Variants in THSD7B observed in about 807,000 individuals in gnomAD.
THSD7B encodes the protein thrombospondin type 1 domain containing 7B.
THSD7B carries 138 observed loss-of-function variants against 213.6 expected under a neutral mutation model. That is an observed-to-expected ratio of 0.65 (90% CI 0.56 to 0.74). The LOEUF is 0.74. THSD7B is among the 30% of genes least tolerant of loss of function. The probability of loss-of-function intolerance (pLI) is 0.00; values close to 1 mark genes in which losing one functional copy is unlikely to be tolerated. For synonymous variants in THSD7B, 742 were observed against 687.0 expected, an observed-to-expected ratio of 1.08 and a Z score of -1.25; for missense variants, 1,931 against 1,991.5, an observed-to-expected ratio of 0.97 and a Z score of 0.58.
At chr2:137,351,135 A>G (rs1685004571) in intron 12 of THSD7B, among the ~76,000 whole-genome samples, 1 of 151,908 alleles carries the variant, frequency 6.6e-6, no homozygotes, top group South Asian at 2.1e-4. Context: ...AGAGAGGGAC[A>G]ATGTCTAGTG....
intron 15 of THSD7B, among the ~76,000 whole-genome samples, chr2:137,546,424 T>TTATATATATTATATATATATTA (rs1680724432): frequency 7.2e-5 from 2 of 27,934 alleles, no homozygotes; most frequent in Non-Finnish European, 1.1e-4. Flanking sequence ...ATTATATATA[T>TTATATATATTATATATATATTA]TATATATATA....
Position 137,300,539 on chromosome 2 carries a change from A to G in THSD7B, c.2500+24513A>G, listed in dbSNP as rs572141655. On this transcript the variant is annotated intron_variant, in intron 12 of 27. Coordinates refer to ENST00000409968, the MANE Select transcript of THSD7B (RefSeq NM_001316349.2). ...AACTGTTGTGCATTAATACATATCC[A>G]CATGGCAAATTACATTTTCAAAATT... is the stretch of plus-strand genomic sequence containing the variant. 1.1e-4 allele frequency among the ~76,000 whole-genome samples: 16 copies of G among 152,272 alleles called. No homozygotes were observed. The East Asian group carries it at 2.9e-3, about 28-fold the overall frequency.
chr2:137,599,055 C>A (rs1006138333), intron 17 of THSD7B, among the ~76,000 whole-genome samples: 2 of 135,210 alleles, frequency 1.5e-5, no homozygotes, highest in Non-Finnish European at 3.1e-5. Flanking sequence ...CACCACAGTC[C>A]CCAGAGTGTG....
intron 7 of THSD7B, among the ~76,000 whole-genome samples, chr2:137,211,614 G>A (rs1681114493): frequency 6.6e-6 from 1 of 152,020 alleles, no homozygotes; most frequent in African/African-American, 2.4e-5. Flanking sequence ...ATGGCTTGCT[G>A]ACTTGGAACA....
At chr2:137,526,623 CA>C (rs1276607583) in intron 15 of THSD7B, among the ~76,000 whole-genome samples, 6 of 152,138 alleles carry the variant, frequency 3.9e-5, no homozygotes, top group South Asian at 2.1e-4. Flanking sequence ...AGGGTTTTGC[CA>C]TGTTGGCCAG....
At chr2:137,477,632 T>C (rs1246334795) in intron 15 of THSD7B, among the ~76,000 whole-genome samples, 1 of 152,044 alleles carries the variant, frequency 6.6e-6, no homozygotes, top group Admixed American at 6.5e-5. Context: ...CATTGCAGTT[T>C]GGTGGGTTTT....
chr2:137,449,369 A>G (rs1334846257), intron 14 of THSD7B, among the ~76,000 whole-genome samples: 2 of 152,238 alleles, frequency 1.3e-5, no homozygotes, highest in Non-Finnish European at 2.9e-5. Context: ...CCATTGTTGC[A>G]TAAAAAAATA....
intron 25 of THSD7B, among the ~76,000 whole-genome samples, chr2:137,663,016 G>A (rs1308464370): frequency 6.7e-6 from 1 of 150,170 alleles, no homozygotes; most frequent in East Asian, 2.0e-4. Flanking sequence ...AATGAGCTGA[G>A]ATTGTGCCAT....
At chr2:137,565,412 CATGTGAGA>C in intron 16 of THSD7B, among the ~76,000 whole-genome samples, 2 of 152,192 alleles carry the variant, frequency 1.3e-5, no homozygotes, top group South Asian at 4.1e-4. Flanking sequence ...GACAAGCAAG[CATGTGAGA>C]ATGAGACCAC....
At chr2:137,248,650 G>A (rs1682096543) in intron 10 of THSD7B, among the ~76,000 whole-genome samples, 1 of 152,000 alleles carries the variant, frequency 6.6e-6, no homozygotes, top group South Asian at 2.1e-4. Flanking sequence ...CCCCTGTCAA[G>A]CATATGTGGC....
chr2:137,339,944 C>T (rs980479516), intron 12 of THSD7B, among the ~76,000 whole-genome samples: 16 of 151,476 alleles, frequency 1.1e-4, no homozygotes, highest in Middle Eastern at 3.4e-3. Context: ...TGTTTGCAGG[C>T]TGCCTCATCT....
intron 2 of THSD7B, among the ~76,000 whole-genome samples, chr2:137,051,664 T>C (rs972791359): frequency 6.6e-6 from 1 of 152,144 alleles, no homozygotes; most frequent in African/African-American, 2.4e-5. Flanking sequence ...CTTGCCCAAG[T>C]TAAAAATAAA....
chr2:137,542,377 A>T (rs1260808325), intron 15 of THSD7B, among the ~76,000 whole-genome samples: 1 of 151,710 alleles, frequency 6.6e-6, no homozygotes, highest in Non-Finnish European at 1.5e-5. Flanking sequence ...AGGAGAAATT[A>T]AGAAACTCTC....
At chr2:137,460,382 T>G (rs558975437) in intron 15 of THSD7B, among the ~76,000 whole-genome samples, 1 of 152,260 alleles carries the variant, frequency 6.6e-6, no homozygotes, top group Admixed American at 6.5e-5. Context: ...GTATGAACAT[T>G]TTTCCTTGGT....
At chr2:137,161,299 A>G (rs987093347) in intron 6 of THSD7B, among the ~76,000 whole-genome samples, 1 of 152,178 alleles carries the variant, frequency 6.6e-6, no homozygotes, top group Non-Finnish European at 1.5e-5. Context: ...AAATGACAGT[A>G]CTAAAAAAAA....
At chr2:136,775,051 C>T (rs1681574993) in intron 1 of THSD7B, among the ~76,000 whole-genome samples, 1 of 152,040 alleles carries the variant, frequency 6.6e-6, no homozygotes, top group Admixed American at 6.6e-5. Context: ...TACAGTCTAC[C>T]TATGGAGATA....
At chr2:136,971,638 AT>A (rs1685405703) in intron 2 of THSD7B, among the ~76,000 whole-genome samples, 1 of 106,100 alleles carries the variant, frequency 9.4e-6, no homozygotes, top group Non-Finnish European at 1.9e-5. Context: ...ACAACAACAA[AT>A]ACACACACAC....
chr2:136,868,092 A>G (rs941356459), intron 1 of THSD7B, among the ~76,000 whole-genome samples: 1 of 149,632 alleles, frequency 6.7e-6, no homozygotes, highest in East Asian at 2.0e-4. Flanking sequence ...ATCTAGAAAC[A>G]CACCACACCA....
At position 137,026,913 on chromosome 2, in the gene THSD7B, C is replaced by T. The variant is rs144795945; in HGVS notation, c.140-29507C>T. ...CTGAGGTTTTCAGTTTTTCATAATA[C>T]ATTGGAAAAGGCAGCAGCCATAATC... On this transcript the variant is annotated intron_variant, in intron 2 of 27. Coordinates refer to ENST00000409968, the MANE Select transcript of THSD7B (RefSeq NM_001316349.2). Among the ~76,000 whole-genome samples, 143 of 152,244 alleles carry T rather than the reference C, an allele frequency of 9.4e-4. 1 individual carries two copies. Among genetic ancestry groups the T allele is most frequent in the African/African-American group, 3.4e-3 (140 of 41,548 alleles).
Sources: gnomAD v4.1 joint callset for allele counts (sites outside exome capture counted in the v4.1 genomes callset) on GRCh38, gnomAD v4.1.1 for gene constraint, MANE v1.5 for transcripts, NCBI Gene and HGNC (gene_info 2026-07-23, HGNC 2026-07-21) for gene names.